SLC9A9: variants seen among roughly 807,000 people sequenced by gnomAD.
SLC9A9 encodes the protein sodium/hydrogen exchanger 9.
Under a neutral mutation model 77.8 loss-of-function variants are expected in SLC9A9, and 62 were observed. That is an observed-to-expected ratio of 0.80 (90% CI 0.65 to 0.98). The LOEUF is 0.98. Among genes scored for constraint, SLC9A9 ranks in the 50% least tolerant of loss-of-function variants. The probability of loss-of-function intolerance (pLI) is 0.00; values close to 1 mark genes in which losing one functional copy is unlikely to be tolerated. For synonymous variants in SLC9A9, 320 were observed against 283.5 expected, an observed-to-expected ratio of 1.13 and a Z score of -1.29; for missense variants, 775 against 774.9, an observed-to-expected ratio of 1.00 and a Z score of 0.00.
chr3:143,733,423 T>C (rs1463178549), intron 4 of SLC9A9, among the ~76,000 whole-genome samples: 1 of 151,852 alleles, frequency 6.6e-6, no homozygotes, highest in Non-Finnish European at 1.5e-5. Context: ...GTTGGGTGTA[T>C]GAATGGGAAG....
chr3:143,504,116 G>A (rs2035971248), intron 9 of SLC9A9: 1 of 480,516 alleles, frequency 2.1e-6, no homozygotes. Flanking sequence ...AACTTGCCAT[G>A]GGTGGAATCA....
intron 4 of SLC9A9, among the ~76,000 whole-genome samples, chr3:143,767,556 T>C (rs1308928552): frequency 6.6e-6 from 1 of 152,140 alleles, no homozygotes; most frequent in Non-Finnish European, 1.5e-5. Flanking sequence ...ACCTGTAGCA[T>C]CACACCTATT....
intron 12 of SLC9A9, among the ~76,000 whole-genome samples, chr3:143,410,822 C>A (rs548833235): frequency 6.6e-6 from 1 of 152,016 alleles, no homozygotes; most frequent in Non-Finnish European, 1.5e-5. Flanking sequence ...GTCCTATACA[C>A]TTTGGTATGA....
intron 6 of SLC9A9, among the ~76,000 whole-genome samples, chr3:143,616,070 A>G (rs903934809): frequency 6.6e-6 from 1 of 151,966 alleles, no homozygotes; most frequent in African/African-American, 2.4e-5. Flanking sequence ...TTTTTCGTAG[A>G]GACAGGGTTT....
At chr3:143,844,852 A>C (rs1281456102) in intron 1 of SLC9A9, among the ~76,000 whole-genome samples, 2 of 151,378 alleles carry the variant, frequency 1.3e-5, no homozygotes, top group Non-Finnish European at 2.9e-5. Flanking sequence ...GCACAATCAT[A>C]GCTCAAAAAG....
At chr3:143,655,648 G>A (rs1417635378) in intron 5 of SLC9A9, 48 of 978,368 alleles carry the variant, frequency 4.9e-5, no homozygotes, top group Non-Finnish European at 5.7e-5. Flanking sequence ...AAGCACATAT[G>A]ATCTTATGCT....
intron 11 of SLC9A9, 147 bp from the exon 12 acceptor site, chr3:143,467,337 A>G: frequency 1.0e-6 from 1 of 976,836 alleles, no homozygotes; most frequent in Non-Finnish European, 1.5e-6. Flanking sequence ...GAGTTGTAAG[A>G]AATAAAACAG....
At chr3:143,363,748 A>G (rs1485404904) in intron 13 of SLC9A9, among the ~76,000 whole-genome samples, 185 bp from the exon 14 acceptor site, 1 of 152,226 alleles carries the variant, frequency 6.6e-6, no homozygotes, top group Non-Finnish European at 1.5e-5. Context: ...TATGTGGATG[A>G]GACCCTTTTG....
At chr3:143,814,431 C>T (rs1266761573) in intron 2 of SLC9A9, among the ~76,000 whole-genome samples, 7 of 152,024 alleles carry the variant, frequency 4.6e-5, no homozygotes, top group African/African-American at 1.7e-4. Context: ...TGCAGTGGCC[C>T]TACCAGGGAG....
intron 9 of SLC9A9, among the ~76,000 whole-genome samples, chr3:143,496,485 T>A (rs573648424): frequency 4.6e-5 from 7 of 152,342 alleles, no homozygotes; most frequent in Middle Eastern, 3.4e-3. Flanking sequence ...CCAATACTGT[T>A]CACTGACAGT....
chr3:143,595,406 T>C (rs1399402154), intron 6 of SLC9A9, among the ~76,000 whole-genome samples: 1 of 152,258 alleles, frequency 6.6e-6, no homozygotes, highest in Non-Finnish European at 1.5e-5. Context: ...GGGAAATGCT[T>C]TGACTTCTTA....
intron 8 of SLC9A9, among the ~76,000 whole-genome samples, chr3:143,569,653 C>T (rs1219179105): frequency 6.6e-6 from 1 of 151,902 alleles, no homozygotes; most frequent in East Asian, 1.9e-4. Flanking sequence ...TCTAAGGAGG[C>T]AATACAATTA....
At chr3:143,632,766 G>T (rs116434242) in intron 6 of SLC9A9, among the ~76,000 whole-genome samples, 3 of 152,152 alleles carry the variant, frequency 2.0e-5, no homozygotes, top group Non-Finnish European at 4.4e-5. Flanking sequence ...AAGTCCACAC[G>T]TTAAGTGATA....
chr3:143,439,332 T>C (rs2034682071), intron 12 of SLC9A9, among the ~76,000 whole-genome samples: 1 of 152,228 alleles, frequency 6.6e-6, no homozygotes, highest in African/African-American at 2.4e-5. Context: ...TTCTGTTGCT[T>C]AGACTGCCTC....
chr3:143,374,944 C>T (rs1396324405), intron 13 of SLC9A9, among the ~76,000 whole-genome samples: 1 of 152,166 alleles, frequency 6.6e-6, no homozygotes, highest in Non-Finnish European at 1.5e-5. Flanking sequence ...TACTACTCTT[C>T]CTAGACACTT....
intron 1 of SLC9A9, among the ~76,000 whole-genome samples, chr3:143,835,548 T>C (rs1206943240): frequency 6.6e-6 from 1 of 152,208 alleles, no homozygotes; most frequent in Non-Finnish European, 1.5e-5. Context: ...GACAGAAATA[T>C]GGAGTGTTGA....
intron 12 of SLC9A9, among the ~76,000 whole-genome samples, chr3:143,449,840 A>AT (rs376416150): frequency 0.38 from 24,244 of 63,512 alleles, 4,621 homozygotes; most frequent in East Asian, 0.69. Context: ...AATTATATGT[A>AT]TTATATATAT....
intron 8 of SLC9A9, among the ~76,000 whole-genome samples, chr3:143,561,566 C>A (rs770805556): frequency 6.6e-6 from 1 of 152,152 alleles, no homozygotes; most frequent in Non-Finnish European, 1.5e-5. Flanking sequence ...TCTTGGGCCT[C>A]GATGCTTCCC....
chr3:143,490,236 A>G (rs973251421), intron 11 of SLC9A9, among the ~76,000 whole-genome samples: 2 of 152,226 alleles, frequency 1.3e-5, no homozygotes, highest in African/African-American at 4.8e-5. Context: ...TTACAGCAGC[A>G]TTGTTCACAA....
Sources: allele counts gnomAD v4.1 joint callset (sites outside exome capture counted in the v4.1 genomes callset), GRCh38; gene constraint gnomAD v4.1.1; transcripts MANE v1.5; gene names NCBI Gene and HGNC (gene_info 2026-07-23, HGNC 2026-07-21).